Variants in HEPH observed in about 807,000 individuals in gnomAD.
HEPH encodes hephaestin.
A neutral mutation model predicts 80.8 loss-of-function variants in HEPH; 69 were observed. The ratio of observed to expected loss-of-function variants is 0.85; its 90% CI spans 0.70 to 1.04. HEPH has a LOEUF of 1.04. HEPH is among the 50% of genes least tolerant of loss of function. HEPH has a pLI of 0.00. For synonymous variants in HEPH, 431 were observed against 322.8 expected, an observed-to-expected ratio of 1.34 and a Z score of -3.60; for missense variants, 1,115 against 891.3, an observed-to-expected ratio of 1.25 and a Z score of -3.20.
chrX:66,223,754 G>A (rs2089755411), intron 15 of HEPH, among the ~76,000 whole-genome samples: 1 of 110,693 alleles, frequency 9.0e-6, no homozygotes, highest in Admixed American at 9.6e-5. Context: ...TTTTAATGTA[G>A]GTAAAAATTT....
chrX:66,223,048 G>C (rs977721005), intron 15 of HEPH, among the ~76,000 whole-genome samples: 2 of 110,585 alleles, frequency 1.8e-5, no homozygotes, highest in African/African-American at 6.6e-5. Flanking sequence ...TCTGCTGTAC[G>C]AACAGCAGTC....
At chrX:66,180,996 G>A (rs370178879) in intron 4 of HEPH, among the ~76,000 whole-genome samples, 3 of 97,125 alleles carry the variant, frequency 3.1e-5, no homozygotes, top group Non-Finnish European at 4.1e-5. Flanking sequence ...ATGGTTTCCA[G>A]TTTCATCCAT....
At chrX:66,206,737 C>T (rs1401725143) in intron 13 of HEPH, among the ~76,000 whole-genome samples, 4 of 109,993 alleles carry the variant, frequency 3.6e-5, no homozygotes, top group Non-Finnish European at 7.6e-5. Flanking sequence ...AAATAGGGGC[C>T]AGGTGTGGTG....
At chrX:66,190,567 G>A (rs1256867999) in intron 6 of HEPH, among the ~76,000 whole-genome samples, 2 of 111,836 alleles carry the variant, frequency 1.8e-5, no homozygotes, top group African/African-American at 6.5e-5. Context: ...CTTTAGACAG[G>A]TGTCTTTCCA....
chrX:66,208,600 CAAGT>C (rs1468908543), intron 15 of HEPH, among the ~76,000 whole-genome samples: 2 of 88,656 alleles, frequency 2.3e-5, no homozygotes, highest in East Asian at 7.5e-4. Context: ...GCCTGGGTGA[CAAGT>C]AAGACTCCAT....
chrX:66,255,415 A>C (rs964067601), intron 16 of HEPH, among the ~76,000 whole-genome samples: 1 of 107,068 alleles, frequency 9.3e-6, no homozygotes, highest in South Asian at 3.8e-4. Context: ...ACACACAAAC[A>C]AACAAAAAAC....
chrX:66,208,800 G>C (rs1229743469), intron 15 of HEPH, among the ~76,000 whole-genome samples: 2 of 105,602 alleles, frequency 1.9e-5, no homozygotes, highest in African/African-American at 3.4e-5. Flanking sequence ...TAATATTCCT[G>C]TTTCAGATCT....
intron 15 of HEPH, among the ~76,000 whole-genome samples, chrX:66,241,524 T>G (rs2090581987): frequency 9.0e-6 from 1 of 111,631 alleles, no homozygotes; most frequent in Non-Finnish European, 1.9e-5. Flanking sequence ...GGGTACTATA[T>G]AATGATAAAG....
chrX:66,243,897 AG>A (rs2090704459), intron 15 of HEPH, among the ~76,000 whole-genome samples: 1 of 111,964 alleles, frequency 8.9e-6, no homozygotes, highest in Admixed American at 9.5e-5. Flanking sequence ...CTGCCTGAAA[AG>A]GATCTTAGGA....
Position 66,172,548 on chromosome X carries a change from C to T in HEPH, c.361C>T (p.Arg121Cys), listed in dbSNP as rs1202646859. The T allele has an allele frequency of 8.3e-6, 10 of 1,201,874 alleles. No homozygotes were observed. The highest frequency in any genetic ancestry group is 3.5e-5 in the African/African-American group (2 of 57,579). ...ILIHLKNFAT[R>C]PYTIHPHGVF... Reference sequence around the variant, plus strand: ...TATTCACCTGAAGAATTTTGCCACTCGTCCCTATACCATCCACCCTCATGG... The same window carrying T: ...TATTCACCTGAAGAATTTTGCCACTTGTCCCTATACCATCCACCCTCATGG... The change falls in exon 3 of 21, where the codon CGT becomes TGT. Residue 121 changes from arginine to cysteine, a missense_variant. Physicochemically the swap from Arg to Cys is radical, Grantham distance 180. Around this residue, in one of 3 missense-constraint regions of HEPH, gnomAD observed 391 missense variants for 343.6 expected, o/e 1.14. Coordinates refer to ENST00000343002, the MANE Select transcript of HEPH (RefSeq NM_001367233.3).
chrX:66,223,789 T>G (rs2089757239), intron 15 of HEPH, among the ~76,000 whole-genome samples: 2 of 112,078 alleles, frequency 1.8e-5, no homozygotes. Flanking sequence ...CCTTCTAATC[T>G]TTTTACCAAA....
At chrX:66,223,227 G>T (rs2089726890) in intron 15 of HEPH, among the ~76,000 whole-genome samples, 1 of 111,729 alleles carries the variant, frequency 9.0e-6, no homozygotes, top group Non-Finnish European at 1.9e-5. Context: ...GAAAGTGGAA[G>T]ATAAACGAAG....
intron 6 of HEPH, among the ~76,000 whole-genome samples, 154 bp downstream of exon 6, chrX:66,190,092 C>T (rs758836945): frequency 9.5e-6 from 1 of 105,272 alleles, no homozygotes; most frequent in African/African-American, 3.5e-5. Context: ...TCAGGGGACC[C>T]AGGTTTTTTC....
chrX:66,268,027 GC>G (rs777151832), downstream of HEPH: 2 of 111,586 alleles, frequency 1.8e-5, no homozygotes, highest in Non-Finnish European at 3.8e-5. Flanking sequence ...TTACCTCAGG[GC>G]AAGTCATTTT....
rs762030702 is a variant in HEPH at position 66,245,030 on chromosome X, C to A, written c.2564-10005C>A. 4.5e-5 allele frequency among the ~76,000 whole-genome samples: 5 copies of A among 110,404 alleles called. 1 individual carries two copies. Among genetic ancestry groups the A allele is most frequent in the Admixed American group, 3.9e-4 (4 of 10,315 alleles). On this transcript the variant is annotated intron_variant, in intron 15 of 20. Coordinates refer to ENST00000343002, the MANE Select transcript of HEPH (RefSeq NM_001367233.3). ...TGTGAAAAATAGGCCAACTGAGGAC[C>A]AATTGTAAAGACCATCAAGGCTAGG...
rs927513866 is a variant in HEPH at position 66,208,119 on chromosome X, A to G, written c.2436A>G (p.Pro812=). 1 of 1,187,778 alleles carries G rather than the reference A, an allele frequency of 8.4e-7. No homozygotes were observed. Among genetic ancestry groups the G allele is most frequent in the Middle Eastern group, 2.3e-4 (1 of 4,273 alleles). ...AATTATTTTTGTTTACATTAGGTCC[A>G]CTTATCAAAGGTGAAGTTGGTGATA... The part of the protein sequence containing the change: ...GPEEHLGILG[P]LIKGEVGDIL... Residue 812 remains proline (P), a synonymous_variant, in exon 15 of 21, where the codon CCA becomes CCG. Coordinates refer to ENST00000343002, the MANE Select transcript of HEPH (RefSeq NM_001367233.3).
At position 66,207,348 on chromosome X, in the gene HEPH, A is replaced by G. The variant is rs745996493; in HGVS notation, c.2431+14A>G. 3 of 1,155,557 alleles carry G rather than the reference A, an allele frequency of 2.6e-6. No individual in the cohort carries two copies. The highest frequency in any genetic ancestry group is 6.2e-5 in the East Asian group (2 of 32,214). ...TGGGAATCTTGGGTAAGGGAATTCT[A>G]CTTCCCTCCTAGTGTTTAGCAGCCT... On this transcript the variant is annotated intron_variant, in intron 14 of 20. Coordinates refer to ENST00000343002, the MANE Select transcript of HEPH (RefSeq NM_001367233.3).
intron 15 of HEPH, among the ~76,000 whole-genome samples, chrX:66,220,446 G>A (rs986846800): frequency 9.0e-6 from 1 of 111,042 alleles, no homozygotes; most frequent in Non-Finnish European, 1.9e-5. Context: ...CAAGGGGGTT[G>A]GTTATTACTA....
rs748876041 is a variant in HEPH, at chrX:66,250,275, G to T, written c.2564-4760G>T. Among the ~76,000 whole-genome samples, 6 of 111,425 alleles carry T rather than the reference G, an allele frequency of 5.4e-5. No homozygotes were observed. The South Asian group carries it at 2.3e-3, about 42-fold the overall frequency. ...TTGATTGTATGAGTGAAAAAAAATTGCATGCTTTCACCTCTGACTCTTCTT... is the reference window on the plus strand; with the variant it reads ...TTGATTGTATGAGTGAAAAAAAATTTCATGCTTTCACCTCTGACTCTTCTT... On this transcript the variant is annotated intron_variant, in intron 15 of 20. Coordinates refer to ENST00000343002, the MANE Select transcript of HEPH (RefSeq NM_001367233.3).
Sources: allele counts gnomAD v4.1 joint callset (sites outside exome capture counted in the v4.1 genomes callset), GRCh38; gene constraint gnomAD v4.1.1; regional missense constraint gnomAD v4.1.1; transcripts MANE v1.5; gene names NCBI Gene and HGNC (gene_info 2026-07-23, HGNC 2026-07-21).